The following LRP3 variants were observed in gnomAD, a reference collection of about 807,000 sequenced individuals.
LRP3 encodes LDL receptor related protein 3.
In LRP3, 49 loss-of-function variants were observed where a neutral mutation model predicts 58.5. The ratio of observed to expected loss-of-function variants is 0.84; its 90% CI spans 0.67 to 1.06. The LOEUF (loss-of-function observed/expected upper bound fraction) is 1.06. Among genes scored for constraint, LRP3 ranks in the 50% least tolerant of loss-of-function variants. The probability of loss-of-function intolerance (pLI) is 0.00; values close to 1 mark genes in which losing one functional copy is unlikely to be tolerated. For missense variants in LRP3, 1,019 were observed against 1,134.2 expected (o/e 0.90, Z 1.46); for synonymous variants, 485 against 492.2 (o/e 0.99, Z 0.20).
chr19:33,195,800 G>T (rs1974279410), intron 1 of LRP3, among the ~76,000 whole-genome samples: 2 of 152,220 alleles, frequency 1.3e-5, no homozygotes, highest in African/African-American at 2.4e-5. Flanking sequence ...TCAGTGCGGG[G>T]TCATGTGTGC....
chr19:33,206,524 G>A (rs762678445), intron 5 of LRP3, 77 bp from the exon 6 acceptor site: 297 of 1,585,372 alleles, frequency 1.9e-4, no homozygotes, highest in Non-Finnish European at 2.4e-4. Flanking sequence ...GTGGAGGGTC[G>A]TCCTGGAATC....
In LRP3 at chr19:33,207,565, T is replaced by TG; in HGVS notation, c.2305dup (p.Val769GlyfsTer17). 6.2e-7 allele frequency: 1 copy of TG among 1,603,258 alleles called. No homozygotes were observed. Among genetic ancestry groups the TG allele is most frequent in the Non-Finnish European group, 8.5e-7 (1 of 1,179,120 alleles). On this transcript the variant is annotated frameshift_variant, in exon 7 of 7. Transcript: ENST00000253193. LOFTEE classifies it high-confidence loss of function. ...GAGGCCAGCGATGATGAGGCCCTGT[T>TG]GGTCTGTTGACCGCTGGGCTCGCTG... is the stretch of plus-strand genomic sequence containing the variant.
intron 2 of LRP3, among the ~76,000 whole-genome samples, chr19:33,199,289 A>G (rs1599932944): frequency 6.6e-6 from 1 of 152,044 alleles, no homozygotes; most frequent in Non-Finnish European, 1.5e-5. Flanking sequence ...GCCCTACCAC[A>G]TGCACGTCTG....
rs1285531331 is a variant in LRP3, at chr19:33,208,656, G to A, written c.*1081G>A. ...CTGTGCCCATCAGGGACTCCCCATAGCACGAGCGAACAGCCAGCCCTGTTT... is the reference window on the plus strand; with the variant it reads ...CTGTGCCCATCAGGGACTCCCCATAACACGAGCGAACAGCCAGCCCTGTTT... On this transcript the variant is annotated 3_prime_UTR_variant, in exon 7 of 7. Coordinates refer to ENST00000253193, the MANE Select transcript of LRP3 (RefSeq NM_002333.4). The surrounding 1 kb of genome is among the most constrained non-coding windows in gnomAD (Gnocchi z 4.7). The A allele has an allele frequency of 3.4e-6, 2 of 583,830 alleles. No homozygotes were observed. The highest frequency in any genetic ancestry group is 6.0e-6 in the Non-Finnish European group (2 of 333,150). The allele number at this position is 583,830 out of a possible 1,614,324, so 36.2% of individuals were successfully genotyped here.
chr19:33,202,552 T>C (rs1355892360), intron 2 of LRP3, among the ~76,000 whole-genome samples: 2 of 151,632 alleles, frequency 1.3e-5, no homozygotes, highest in African/African-American at 4.9e-5. Flanking sequence ...GCAGGACGGG[T>C]TGTTGGTGGG....
chr19:33,197,960 T>C (rs1458792469), intron 2 of LRP3, among the ~76,000 whole-genome samples: 1 of 152,136 alleles, frequency 6.6e-6, no homozygotes, highest in East Asian at 1.9e-4. Context: ...CGGGCCTTGC[T>C]CAGCGCTGAC....
At chr19:33,200,477 C>T (rs372264473) in intron 2 of LRP3, among the ~76,000 whole-genome samples, 14 of 152,162 alleles carry the variant, frequency 9.2e-5, no homozygotes, top group East Asian at 3.9e-4. Context: ...ATTATCCCCC[C>T]GCCTTGGCCT....
In LRP3 at chr19:33,206,101, C is replaced by T; in HGVS notation, c.1331C>T (p.Pro444Leu). The T allele has an allele frequency of 6.2e-7, 1 of 1,609,174 alleles. No individual in the cohort carries two copies. Among genetic ancestry groups the T allele is most frequent in the Non-Finnish European group, 8.5e-7 (1 of 1,178,820 alleles). Residue 444 changes from proline (P) to leucine (L), a missense_variant, in exon 5 of 7, where the codon CCC becomes CTC. Pro to Leu is a moderately conservative substitution (Grantham distance 98). Transcript: ENST00000253193. Reference protein sequence around the residue: ...ADRCNNQKSCPDGADEKNCFS... With the variant: ...ADRCNNQKSCLDGADEKNCFS... ...CGCTGCAACAACCAGAAAAGCTGTC[C>T]CGACGGCGCCGACGAGAAGAACTGC...
At chr19:33,199,706 G>A (rs1442903773) in intron 2 of LRP3, among the ~76,000 whole-genome samples, 1 of 152,212 alleles carries the variant, frequency 6.6e-6, no homozygotes. Flanking sequence ...CCGTTGTCAG[G>A]GTTTTGCTGA....
intron 1 of LRP3, 63 bp downstream of exon 1, chr19:33,194,921 T>G: frequency 1.2e-6 from 1 of 867,686 alleles, no homozygotes; most frequent in Non-Finnish European, 1.4e-6. Context: ...CGCCGCGCCC[T>G]GACCGACCTC....
rs1174912408 is a variant in LRP3, at chr19:33,205,553, C to G, written c.783C>G (p.Phe261Leu). The G allele has an allele frequency of 6.2e-7, 1 of 1,600,374 alleles. No individual in the cohort carries two copies. Among genetic ancestry groups the G allele is most frequent in the Non-Finnish European group, 8.5e-7 (1 of 1,175,076 alleles). The change falls in exon 5 of 7, where the codon TTC (phenylalanine) becomes TTG (leucine). Residue 261 changes from phenylalanine (F) to leucine (L), a missense_variant. Phe to Leu is a conservative substitution (Grantham distance 22, BLOSUM62 0). Coordinates refer to ENST00000253193, the MANE Select transcript of LRP3 (RefSeq NM_002333.4). ...DLACGRRLGS[F>L]YGSFASPDLF... The stretch of plus-strand genomic sequence containing the variant: ...CGTGCGGCCGGCGGCTGGGCAGCTT[C>G]TACGGCTCCTTTGCCTCCCCAGACC...
Sources: allele counts gnomAD v4.1 joint callset (sites outside exome capture counted in the v4.1 genomes callset), GRCh38; gene constraint gnomAD v4.1.1; non-coding constraint Gnocchi (gnomAD v3.1); transcripts MANE v1.5; gene names NCBI Gene and HGNC (gene_info 2026-07-23, HGNC 2026-07-21).